The following SAFB variants were observed in gnomAD, a reference collection of about 807,000 sequenced individuals.
SAFB encodes scaffold attachment factor B1.
A neutral mutation model predicts 101.6 loss-of-function variants in SAFB; 15 were observed. That is an observed-to-expected ratio of 0.15 (90% confidence interval 0.10 to 0.23). SAFB has a LOEUF of 0.23. Among genes scored for constraint, SAFB ranks in the 10% least tolerant of loss-of-function variants. The pLI, the probability that SAFB is intolerant of heterozygous loss-of-function variation, is 1.00. For synonymous variants in SAFB, 449 were observed against 407.5 expected (o/e 1.10, Z -1.23); for missense variants, 930 against 1,104.1 (o/e 0.84, Z 2.23).
chr19:5,653,903 A>G (rs2053995620), intron 11 of SAFB, among the ~76,000 whole-genome samples, 158 bp from the exon 12 acceptor site: 1 of 150,138 alleles, frequency 6.7e-6, no homozygotes, highest in Non-Finnish European at 1.5e-5. Context: ...GATTATAGCC[A>G]TGCCCATTTG....
intron 17 of SAFB, chr19:5,664,753 C>G: frequency 2.9e-6 from 1 of 343,576 alleles, no homozygotes; most frequent in South Asian, 2.6e-5. Flanking sequence ...TGGGAAGTGT[C>G]TAGTGAGCCG....
chr19:5,657,597 C>T (rs2054092794), intron 14 of SAFB, among the ~76,000 whole-genome samples: 1 of 151,618 alleles, frequency 6.6e-6, no homozygotes, highest in African/African-American at 2.4e-5. Flanking sequence ...AGTGGCGTGA[C>T]CTCGGCTCAC....
chr19:5,653,217 C>T lies in SAFB; in HGVS notation c.1396C>T (p.His466Tyr), dbSNP rs1330537299. ...TAEEATKCINHLHKTELHGKM... is the reference protein window; with the variant it reads ...TAEEATKCINYLHKTELHGKM... Reference sequence around the variant, plus strand: ...AGAAGAGGCCACAAAATGCATTAACCACCTGCACAAGACGGAGCTCCACGG... The same window carrying T: ...AGAAGAGGCCACAAAATGCATTAACTACCTGCACAAGACGGAGCTCCACGG... The change falls in exon 10 of 21, where the codon CAC (histidine) becomes TAC (tyrosine). Residue 466 changes from histidine (H) to tyrosine (Y), a missense_variant. Physicochemically the swap from His to Tyr is moderately conservative, Grantham distance 83. Coordinates refer to ENST00000588852, the MANE Select transcript of SAFB (RefSeq NM_001201338.2). 1.2e-6 allele frequency: 2 copies of T among 1,614,134 alleles called. No individual in the cohort carries two copies. The highest frequency in any genetic ancestry group is 2.2e-5 in the South Asian group (2 of 91,072).
At chr19:5,659,397 T>G (rs981539844) in intron 14 of SAFB, among the ~76,000 whole-genome samples, 13 of 151,856 alleles carry the variant, frequency 8.6e-5, no homozygotes, top group Non-Finnish European at 1.3e-4. Context: ...CTTTTTTTTT[T>G]CCGAGACGGA....
chr19:5,650,912 G>A (rs1265940667), intron 8 of SAFB, 66 bp from the exon 9 acceptor site: 3 of 1,023,740 alleles, frequency 2.9e-6, no homozygotes, highest in Non-Finnish European at 4.4e-6. Context: ...CTTTTGGAAA[G>A]GTTGTCTCTA....
At chr19:5,623,649 G>C (rs1017531767) in intron 1 of SAFB, among the ~76,000 whole-genome samples, 4 of 152,188 alleles carry the variant, frequency 2.6e-5, no homozygotes, top group Non-Finnish European at 5.9e-5. Context: ...ACGGTGACGG[G>C]TGACATCGTC....
intron 9 of SAFB, among the ~76,000 whole-genome samples, chr19:5,651,768 GTCTC>G (rs1222830905): frequency 1.3e-5 from 2 of 152,140 alleles, no homozygotes; most frequent in African/African-American, 4.8e-5. Flanking sequence ...AGGGCTCCTC[GTCTC>G]TCTCAGAGTC....
intron 16 of SAFB, 103 bp downstream of exon 16, chr19:5,664,262 T>C (rs2054281181): frequency 1.4e-6 from 2 of 1,456,554 alleles, no homozygotes; most frequent in African/African-American, 2.8e-5. Context: ...GTTCATCAGA[T>C]GTATGCTGAG....
intron 2 of SAFB, among the ~76,000 whole-genome samples, chr19:5,633,270 T>C (rs1448047886): frequency 6.6e-6 from 1 of 152,262 alleles, no homozygotes; most frequent in Non-Finnish European, 1.5e-5. Flanking sequence ...TGAAAGCCTT[T>C]ATGCTTATTT....
chr19:5,650,098 G>A (rs2053904274), intron 8 of SAFB, 123 bp downstream of exon 8: 2 of 748,418 alleles, frequency 2.7e-6, no homozygotes, highest in South Asian at 3.1e-5. Context: ...CGTTTGTGCA[G>A]TCTTTCTCCT....
chr19:5,668,433 G>GTTT lies in SAFB; in HGVS notation c.*152_*154dup. 1.8e-5 allele frequency: 12 copies of GTTT among 668,096 alleles called. No individual in the cohort carries two copies. The highest frequency in any genetic ancestry group is 2.4e-5 in the Non-Finnish European group (11 of 452,260). 41.4% of individuals were successfully genotyped at this position (668,096 alleles called of 1,614,324 possible). ...ATGTGAATTTGTTTTTCGTTTTGGG[G>GTTT]TTTTTTTTTTTTGTAATAAATGTGT... On this transcript the variant is annotated 3_prime_UTR_variant, in exon 21 of 21. Transcript: ENST00000588852.
In SAFB at chr19:5,645,836, T is replaced by C. The variant is rs1221918048; in HGVS notation, c.609+437T>C. On this transcript the variant is annotated intron_variant, in intron 5 of 20. Transcript: ENST00000588852. ...CAGAGCCCTGTTGGGGAAGGTGGGG[T>C]CTCAGGGGTTCTGGTCTTGTCTTTG... Among the ~76,000 whole-genome samples the C allele has an allele frequency of 3.9e-5, 6 of 152,144 alleles. No homozygotes were observed. The South Asian group carries it at 6.2e-4, about 16-fold the overall frequency.
chr19:5,635,857 C>T (rs1215028591), intron 2 of SAFB, among the ~76,000 whole-genome samples: 1 of 152,050 alleles, frequency 6.6e-6, no homozygotes, highest in Non-Finnish European at 1.5e-5. Flanking sequence ...GCACATTGGC[C>T]TTGATACTAA....
In SAFB at chr19:5,650,984, G is replaced by A. The variant is rs757954258; in HGVS notation, c.1205G>A (p.Ser402Asn). 1.9e-6 allele frequency: 3 copies of A among 1,598,620 alleles called. No individual in the cohort carries two copies. Among genetic ancestry groups the A allele is most frequent in the Middle Eastern group, 1.7e-4 (1 of 6,022 alleles). ...KRLSKEEKGR[S>N]SCGRNFWVSG... ...GAATTTTCTTTTGAAATAGGTCGCAGCAGTTGTGGTAGAAATTTCTGGGTT... is the reference window on the plus strand; with the variant it reads ...GAATTTTCTTTTGAAATAGGTCGCAACAGTTGTGGTAGAAATTTCTGGGTT... Residue 402 changes from serine (S) to asparagine (N), a missense_variant, in exon 9 of 21, where the codon AGC becomes AAC. Around this residue, in one of 7 missense-constraint regions of SAFB, gnomAD observed 68 missense variants for 122.1 expected, o/e 0.56. Transcript: ENST00000588852.
chr19:5,647,909 C>T (rs2053858675), intron 5 of SAFB, 107 bp from the exon 6 acceptor site: 4 of 1,037,500 alleles, frequency 3.9e-6, no homozygotes, highest in Non-Finnish European at 4.5e-6. Flanking sequence ...TGTGAGTTTC[C>T]CTCCCTGGAT....
chr19:5,636,842 G>A (rs936430129), intron 2 of SAFB, among the ~76,000 whole-genome samples: 1 of 151,676 alleles, frequency 6.6e-6, no homozygotes, highest in Non-Finnish European at 1.5e-5. Context: ...CCGAGTAGCT[G>A]GGATTACAGG....
chr19:5,635,391 T>C (rs1023954367), intron 2 of SAFB, among the ~76,000 whole-genome samples: 1 of 152,100 alleles, frequency 6.6e-6, no homozygotes, highest in Admixed American at 6.5e-5. Flanking sequence ...ATCACAAGCT[T>C]ATTTCCATAT....
intron 7 of SAFB, 172 bp downstream of exon 7, chr19:5,649,671 C>A (rs2053893698): frequency 3.1e-6 from 2 of 638,864 alleles, no homozygotes; most frequent in Non-Finnish European, 2.8e-6. Flanking sequence ...TGATTCAATT[C>A]CTTTTCTTTT....
intron 2 of SAFB, 73 bp downstream of exon 2, chr19:5,626,562 G>A (rs1340489770): frequency 3.4e-6 from 3 of 884,976 alleles, no homozygotes; most frequent in Admixed American, 4.0e-5. Flanking sequence ...AATGTGCCTC[G>A]TTTACTTGTC....
Sources: gnomAD v4.1 joint callset for allele counts (sites outside exome capture counted in the v4.1 genomes callset) on GRCh38, gnomAD v4.1.1 for gene constraint, gnomAD v4.1.1 regional missense constraint, MANE v1.5 for transcripts, NCBI Gene and HGNC (gene_info 2026-07-23, HGNC 2026-07-21) for gene names.